The following SMS variants were observed in gnomAD, a reference collection of about 807,000 sequenced individuals.
SMS encodes spermine synthase.
In SMS, 3 loss-of-function variants were observed where a neutral mutation model predicts 33.0. The observed-to-expected ratio is 0.09, with a 90% CI of 0.04 to 0.23. SMS has a LOEUF of 0.23. SMS is among the 10% of genes least tolerant of loss of function. The pLI, the probability that SMS is intolerant of heterozygous loss-of-function variation, is 1.00. For synonymous variants in SMS, 103 were observed against 112.2 expected, an observed-to-expected ratio of 0.92 and a Z score of 0.52; for missense variants, 117 against 288.6, an observed-to-expected ratio of 0.41 and a Z score of 4.31.
intron 9 of SMS, among the ~76,000 whole-genome samples, chrX:21,990,155 C>T (rs755552029): frequency 6.2e-5 from 7 of 112,097 alleles, no homozygotes; most frequent in African/African-American, 1.9e-4. Context: ...TTTTCTTAGG[C>T]CAGGCACGGT....
intron 1 of SMS, among the ~76,000 whole-genome samples, chrX:21,952,206 G>C (rs1199424249): frequency 9.0e-6 from 1 of 111,138 alleles, no homozygotes; most frequent in Non-Finnish European, 1.9e-5. Flanking sequence ...GACCTTATGG[G>C]GAGAGCAGTC....
intron 6 of SMS, 49 bp from the exon 7 acceptor site, chrX:21,978,828 A>G (rs769793249): frequency 9.5e-6 from 8 of 840,249 alleles, no homozygotes; most frequent in South Asian, 6.1e-5. Flanking sequence ...AAGTATTACT[A>G]TTTCAGAATT....
chrX:21,971,434 G>T (rs775852931), intron 2 of SMS, among the ~76,000 whole-genome samples: 1 of 111,574 alleles, frequency 9.0e-6, no homozygotes, highest in African/African-American at 3.3e-5. Context: ...CAGGCAGTTG[G>T]CCTGGATTTT....
intron 10 of SMS, 65 bp from the exon 11 acceptor site, chrX:21,994,247 C>A: frequency 9.7e-7 from 1 of 1,028,627 alleles, no homozygotes; most frequent in Non-Finnish European, 1.4e-6. Flanking sequence ...GGCCAGCAAA[C>A]GAATTACAAG....
chrX:21,947,717 C>T (rs751928781), intron 1 of SMS, among the ~76,000 whole-genome samples: 7 of 111,433 alleles, frequency 6.3e-5, no homozygotes, highest in South Asian at 3.8e-4. Context: ...AAAACTCTTC[C>T]GTGGGTCCCT....
intron 1 of SMS, among the ~76,000 whole-genome samples, chrX:21,963,016 C>T (rs1412382035): frequency 9.0e-6 from 1 of 111,437 alleles, no homozygotes; most frequent in Non-Finnish European, 1.9e-5. Context: ...TGTTTTTGAA[C>T]CTCTGCAAAG....
chrX:21,943,933 G>A (rs73195164), intron 1 of SMS, among the ~76,000 whole-genome samples: 9,234 of 111,570 alleles, frequency 0.083, 394 homozygotes, highest in Non-Finnish European at 0.13. Flanking sequence ...AATATTGGAT[G>A]TGACTCAAGG....
At chrX:21,970,607 C>T (rs1271160927) in intron 2 of SMS, among the ~76,000 whole-genome samples, 5 of 109,316 alleles carry the variant, frequency 4.6e-5, no homozygotes, top group South Asian at 4.0e-4. Context: ...CTCACTCTGT[C>T]GCCCAGGCTG....
At chrX:21,968,206 G>A (rs997982132) in intron 2 of SMS, among the ~76,000 whole-genome samples, 3 of 112,864 alleles carry the variant, frequency 2.7e-5, no homozygotes, top group Admixed American at 9.3e-5. Flanking sequence ...GGGGCAGCCC[G>A]AACAGAGCCT....
At chrX:21,951,433 T>TG (rs1047761845) in intron 1 of SMS, among the ~76,000 whole-genome samples, 1 of 112,422 alleles carries the variant, frequency 8.9e-6, no homozygotes, top group Non-Finnish European at 1.9e-5. Context: ...CAGAAGCTCT[T>TG]TAGTTGAATT....
intron 1 of SMS, among the ~76,000 whole-genome samples, chrX:21,965,583 A>C (rs5951675): frequency 2.2e-5 from 1 of 44,473 alleles, no homozygotes; most frequent in Non-Finnish European, 4.8e-5. Context: ...TACTACAAAT[A>C]CAAAAAAAAA....
At chrX:21,950,138 AG>A (rs1922503772) in intron 1 of SMS, among the ~76,000 whole-genome samples, 1 of 111,599 alleles carries the variant, frequency 9.0e-6, no homozygotes, top group South Asian at 3.7e-4. Flanking sequence ...CCTGGACTCA[AG>A]GGATCCTCCA....
chrX:21,982,230 C>T (rs1382700335), intron 7 of SMS, among the ~76,000 whole-genome samples: 1 of 106,031 alleles, frequency 9.4e-6, no homozygotes, highest in Non-Finnish European at 1.9e-5. Flanking sequence ...CTCAGCTACT[C>T]GGGAGGCTGA....
intron 1 of SMS, among the ~76,000 whole-genome samples, chrX:21,949,588 G>A (rs1245019742): frequency 8.9e-6 from 1 of 112,137 alleles, no homozygotes; most frequent in Non-Finnish European, 1.9e-5. Flanking sequence ...AATTACTTGT[G>A]TTGCATGACT....
intron 4 of SMS, among the ~76,000 whole-genome samples, chrX:21,972,910 C>A: frequency 1.3e-5 from 1 of 76,027 alleles, no homozygotes; most frequent in African/African-American, 5.8e-5. Context: ...CACAATGAGA[C>A]TGTCTCAAAA....
Position 21,940,890 on chromosome X carries a change from C to T in SMS, c.49+17C>T, listed in dbSNP as rs1474101574. On this transcript the variant is annotated intron_variant, in intron 1 of 10. Coordinates refer to ENST00000404933, the MANE Select transcript of SMS (RefSeq NM_004595.5). ...GCGCCAAAGGTGAGGGCGCCCGCCGCCACCTGCGTGGCCATCCCCGCCGCT... is the reference window on the plus strand; with the variant it reads ...GCGCCAAAGGTGAGGGCGCCCGCCGTCACCTGCGTGGCCATCCCCGCCGCT... The T allele has an allele frequency of 9.4e-7, 1 of 1,060,570 alleles. No individual in the cohort carries two copies. Among genetic ancestry groups the T allele is most frequent in the African/African-American group, 2.0e-5 (1 of 50,416 alleles). 87.4% of individuals were successfully genotyped at this position (1,060,570 alleles called of 1,213,427 possible).
chrX:21,979,445 C>T (rs138842833), intron 7 of SMS, among the ~76,000 whole-genome samples: 20 of 109,296 alleles, frequency 1.8e-4, no homozygotes, highest in Non-Finnish European at 3.6e-4. Flanking sequence ...GGAGTGAGAA[C>T]ATGCGGTGTT....
intron 9 of SMS, among the ~76,000 whole-genome samples, chrX:21,985,486 C>T (rs1441875753): frequency 9.0e-6 from 1 of 111,668 alleles, no homozygotes; most frequent in Non-Finnish European, 1.9e-5. Context: ...CCCTCATCAA[C>T]ATACACTTGA....
chrX:21,945,715 C>A (rs1338471225), intron 1 of SMS, among the ~76,000 whole-genome samples: 1 of 102,358 alleles, frequency 9.8e-6, no homozygotes, highest in Non-Finnish European at 2.0e-5. Flanking sequence ...ACCTCTGCCT[C>A]CCAGGTTCAA....
Sources: gnomAD v4.1 joint callset for allele counts (sites outside exome capture counted in the v4.1 genomes callset) on GRCh38, gnomAD v4.1.1 for gene constraint, MANE v1.5 for transcripts, NCBI Gene and HGNC (gene_info 2026-07-23, HGNC 2026-07-21) for gene names.